Variants in OSBPL3 observed in about 807,000 individuals in gnomAD.
OSBPL3 encodes oxysterol binding protein like 3, also known as oxysterol-binding protein-related protein 3.
OSBPL3 carries 65 observed loss-of-function variants against 120.1 expected under a neutral mutation model. The ratio of observed to expected loss-of-function variants is 0.54; its 90% CI spans 0.44 to 0.67. The LOEUF is 0.67. Ranked by LOEUF, OSBPL3 falls within the 30% of genes least tolerant of loss-of-function variation. The pLI is 0.00. For synonymous variants in OSBPL3, 416 were observed against 402.6 expected, an observed-to-expected ratio of 1.03 and a Z score of -0.40; for missense variants, 1,004 against 1,082.1, an observed-to-expected ratio of 0.93 and a Z score of 1.01.
At chr7:24,846,801 A>G (rs1462425391) in intron 12 of OSBPL3, among the ~76,000 whole-genome samples, 1 of 152,202 alleles carries the variant, frequency 6.6e-6, no homozygotes, top group Non-Finnish European at 1.5e-5. Flanking sequence ...GCAGTGGCTC[A>G]TGCCTTTAAT....
chr7:24,872,441 G>A lies in OSBPL3; in HGVS notation c.97-372C>T, dbSNP rs925869910. 5.5e-5 allele frequency among the ~76,000 whole-genome samples: 7 copies of A among 127,624 alleles called. No individual in the cohort carries two copies. The highest frequency in any genetic ancestry group is 1.2e-4 in the African/African-American group (4 of 33,892). 83.7% of individuals were successfully genotyped at this position (127,624 alleles called of 152,430 possible). ...CTAGACTTCAGTCTGAATTTTAACC[G>A]AAAGAGAGTGTGTGTGTGTGTGTGT... On this transcript the variant is annotated intron_variant, in intron 2 of 22. Transcript: ENST00000313367. The surrounding 1 kb of genome is among the most constrained non-coding windows in gnomAD (Gnocchi z 4.1).
rs1209981226 is a variant in OSBPL3, at chr7:24,899,605, T to C, written c.-149-6984A>G. Among the ~76,000 whole-genome samples the C allele has an allele frequency of 6.6e-6, 1 of 152,214 alleles. No individual in the cohort carries two copies. The highest frequency in any genetic ancestry group is 6.5e-5 in the Admixed American group (1 of 15,282). On this transcript the variant is annotated intron_variant, in intron 1 of 22. Coordinates refer to ENST00000313367, the MANE Select transcript of OSBPL3 (RefSeq NM_015550.4). The surrounding 1 kb of genome is among the most constrained non-coding windows in gnomAD (Gnocchi z 4.0). Reference sequence around the variant, plus strand: ...ATAGATTGCACAGGCATATGAAATCTATACTCACCCAAGTAAATTATACTT... The same window carrying C: ...ATAGATTGCACAGGCATATGAAATCCATACTCACCCAAGTAAATTATACTT...
At chr7:24,979,645 C>G (rs549185838) in intron 1 of OSBPL3, among the ~76,000 whole-genome samples, 1 of 152,130 alleles carries the variant, frequency 6.6e-6, no homozygotes, top group Non-Finnish European at 1.5e-5. Flanking sequence ...TGAGCCGTCC[C>G]TCGAGGGAAG....
intron 12 of OSBPL3, among the ~76,000 whole-genome samples, chr7:24,844,624 T>C (rs1168003790): frequency 6.6e-6 from 1 of 152,256 alleles, no homozygotes; most frequent in Non-Finnish European, 1.5e-5. Context: ...TCTATGTATG[T>C]AATTTTATAA....
intron 22 of OSBPL3, among the ~76,000 whole-genome samples, chr7:24,801,109 C>T (rs1161028879): frequency 3.3e-5 from 5 of 151,180 alleles, no homozygotes; most frequent in Admixed American, 2.0e-4. Context: ...GGCATGGTGG[C>T]GGGCACCCGT....
chr7:24,941,237 G>C (rs180744111), intron 1 of OSBPL3, among the ~76,000 whole-genome samples: 2 of 152,274 alleles, frequency 1.3e-5, no homozygotes, highest in Non-Finnish European at 2.9e-5. Flanking sequence ...AAAAATTCCA[G>C]TCTACTATCA....
chr7:24,814,283 GGC>G (rs67969855), intron 19 of OSBPL3, among the ~76,000 whole-genome samples: 18,065 of 91,112 alleles, frequency 0.2, 2,696 homozygotes, highest in African/African-American at 0.51. Context: ...GGAACGAGGT[GGC>G]GTGTGTGTAT....
chr7:24,868,357 GTGTGTGTGTGTGTC>G (rs1562856316), intron 5 of OSBPL3, among the ~76,000 whole-genome samples: 1 of 149,176 alleles, frequency 6.7e-6, no homozygotes, highest in East Asian at 2.1e-4. Flanking sequence ...GTGTGTGTGT[GTGTGTGTGTGTGTC>G]TGTGTGTGAT....
At position 24,967,604 on chromosome 7, in the gene OSBPL3, C is replaced by A. The variant is rs151; in HGVS notation, c.-150+12282G>T. On this transcript the variant is annotated intron_variant, in intron 1 of 22. Transcript: ENST00000313367. This position sits in a 1 kb window ranked among gnomAD's most constrained non-coding sequence, Gnocchi z 5.6. Reference sequence around the variant, plus strand: ...ACAGAGAATAGTGTCTCACTTCCAGCAAATACTTCATTAAGAAACTACCAT... The same window carrying A: ...ACAGAGAATAGTGTCTCACTTCCAGAAAATACTTCATTAAGAAACTACCAT... 0.14 allele frequency among the ~76,000 whole-genome samples: 20,708 copies of A among 152,186 alleles called. 1,481 individuals are homozygous for A. The highest frequency in any genetic ancestry group is 0.18 in the East Asian group (956 of 5,182).
chr7:24,800,937 C>CTT (rs56365128), intron 22 of OSBPL3, among the ~76,000 whole-genome samples: 26,370 of 138,632 alleles, frequency 0.19, 2,728 homozygotes, highest in Non-Finnish European at 0.24. Flanking sequence ...AAGTGGTTAA[C>CTT]TTTTTTTTTT....
rs1812090422 is a variant in OSBPL3, at chr7:24,933,979, TG to T, written c.-149-41359del. ...ACATTAGAAAAGCAAAGTTTAAGAA[TG>T]CAGATAGACCATGTGTGTAATAGCT... On this transcript the variant is annotated intron_variant, in intron 1 of 22. Coordinates refer to ENST00000313367, the MANE Select transcript of OSBPL3 (RefSeq NM_015550.4). The surrounding 1 kb of genome is among the most constrained non-coding windows in gnomAD (Gnocchi z 5.1). Among the ~76,000 whole-genome samples, 1 of 152,212 alleles carries T rather than the reference TG, an allele frequency of 6.6e-6. No homozygotes were observed. The highest frequency in any genetic ancestry group is 2.4e-5 in the African/African-American group (1 of 41,452).
intron 1 of OSBPL3, among the ~76,000 whole-genome samples, chr7:24,901,021 GA>G (rs11395096): frequency 0.035 from 4,491 of 128,476 alleles, 96 homozygotes; most frequent in Middle Eastern, 0.066. Context: ...ACCTTGTCTC[GA>G]AAAAAAAAAA....
chr7:24,859,859 T>C (rs1426219599), intron 10 of OSBPL3, among the ~76,000 whole-genome samples: 3 of 152,216 alleles, frequency 2.0e-5, no homozygotes, highest in African/African-American at 2.4e-5. Flanking sequence ...TTCTATTATA[T>C]TACGTTTTTG....
Position 24,871,622 on chromosome 7 carries a change from C to T in OSBPL3, c.267+120G>A. On this transcript the variant is annotated intron_variant, in intron 4 of 22. Coordinates refer to ENST00000313367, the MANE Select transcript of OSBPL3 (RefSeq NM_015550.4). This position sits in a 1 kb window ranked among gnomAD's most constrained non-coding sequence, Gnocchi z 4.8. ...CCCAGAGCTCAGACAGAAGTGTTTC[C>T]CCTCTATGGTTTCCAGTTCCGAGAA... 1 of 751,240 alleles carries T rather than the reference C, an allele frequency of 1.3e-6. No individual in the cohort carries two copies. The highest frequency in any genetic ancestry group is 2.2e-6 in the Non-Finnish European group (1 of 445,498). The allele number at this position is 751,240 out of a possible 1,614,324, so 46.5% of individuals were successfully genotyped here.
At chr7:24,839,991 C>A (rs71532920) in intron 14 of OSBPL3, among the ~76,000 whole-genome samples, 2,085 of 53,264 alleles carry the variant, frequency 0.039, 154 homozygotes, top group Middle Eastern at 0.12. Flanking sequence ...CTCCATCTCA[C>A]AAAAAAAAAA....
intron 1 of OSBPL3, among the ~76,000 whole-genome samples, chr7:24,978,019 A>T (rs1817777628): frequency 6.6e-6 from 1 of 152,280 alleles, no homozygotes. Flanking sequence ...ATGCCTATTA[A>T]CTAATGGTGG....
rs565015556 is a variant in OSBPL3, at chr7:24,932,440, A to C, written c.-149-39819T>G. 2.0e-5 allele frequency among the ~76,000 whole-genome samples: 3 copies of C among 152,272 alleles called. No individual in the cohort carries two copies. In the South Asian group the frequency reaches 6.2e-4, roughly 32 times the overall value. On this transcript the variant is annotated intron_variant, in intron 1 of 22. Transcript: ENST00000313367. This position sits in a 1 kb window ranked among gnomAD's most constrained non-coding sequence, Gnocchi z 5.6. ...AGGGAAAAGGGGGTGCTCTGGTGAG[A>C]ATGTTGATGTCCCCCTGAAATTCAT...
In OSBPL3 at chr7:24,844,681, CTG is replaced by C. The variant is rs537828622; in HGVS notation, c.1267-2270_1267-2269del. Among the ~76,000 whole-genome samples the C allele has an allele frequency of 8.8e-3, 1,336 of 151,872 alleles. 19 individuals are homozygous for C. Among genetic ancestry groups the C allele is most frequent in the African/African-American group, 0.031 (1,274 of 41,404 alleles). On this transcript the variant is annotated intron_variant, in intron 12 of 22. Coordinates refer to ENST00000313367, the MANE Select transcript of OSBPL3 (RefSeq NM_015550.4). The stretch of plus-strand genomic sequence containing the variant: ...AAGATAGTTTTTTTTCAAAATTAAA[CTG>C]TATTCTGAAAATAAAAATAGGTATT...
chr7:24,892,209 CA>C (rs1805454435), intron 2 of OSBPL3, among the ~76,000 whole-genome samples, 167 bp downstream of exon 2: 1 of 152,150 alleles, frequency 6.6e-6, no homozygotes, highest in Non-Finnish European at 1.5e-5. Context: ...GGTAGGCACA[CA>C]TTATTAAAAT....
Sources: gnomAD v4.1 joint callset for allele counts (sites outside exome capture counted in the v4.1 genomes callset) on GRCh38, gnomAD v4.1.1 for gene constraint, Gnocchi (gnomAD v3.1) non-coding constraint, MANE v1.5 for transcripts, NCBI Gene and HGNC (gene_info 2026-07-23, HGNC 2026-07-21) for gene names.